XIRP2: variants seen among roughly 807,000 people sequenced by gnomAD.
XIRP2 encodes xin actin-binding repeat-containing protein 2.
Under a neutral mutation model 277.0 loss-of-function variants are expected in XIRP2, and 236 were observed. The observed-to-expected ratio is 0.85, with a 90% CI of 0.77 to 0.95. The LOEUF (loss-of-function observed/expected upper bound fraction) is 0.95, where lower values mean the gene tolerates loss of function less well. Among genes scored for constraint, XIRP2 ranks in the 40% least tolerant of loss-of-function variants. XIRP2 has a pLI of 0.00. For synonymous variants in XIRP2, 1,490 were observed against 1,416.5 expected (o/e 1.05, Z -1.17); for missense variants, 4,640 against 4,157.5 (o/e 1.12, Z -3.19).
chr2:166,894,109 C>A (rs1684179520), intron 1 of XIRP2, among the ~76,000 whole-genome samples: 1 of 152,038 alleles, frequency 6.6e-6, no homozygotes, highest in Non-Finnish European at 1.5e-5. Flanking sequence ...GGGCCACAAA[C>A]CTAACATTAT....
chr2:167,140,508 C>T (rs1691683318), intron 3 of XIRP2, among the ~76,000 whole-genome samples: 1 of 152,110 alleles, frequency 6.6e-6, no homozygotes, highest in South Asian at 2.1e-4. Context: ...TTTTGCTCTG[C>T]CTGAACTGTC....
chr2:167,189,690 G>A (rs1693269069), intron 3 of XIRP2, among the ~76,000 whole-genome samples: 1 of 152,106 alleles, frequency 6.6e-6, no homozygotes, highest in Non-Finnish European at 1.5e-5. Context: ...TGACTGTGTG[G>A]CATGTTGTAT....
At chr2:166,937,686 G>T (rs1231977494) in intron 2 of XIRP2, among the ~76,000 whole-genome samples, 1 of 152,094 alleles carries the variant, frequency 6.6e-6, no homozygotes, top group Non-Finnish European at 1.5e-5. Flanking sequence ...GCTCCTCCTT[G>T]TACCTCTGGT....
intron 3 of XIRP2, among the ~76,000 whole-genome samples, chr2:167,154,834 T>C (rs931532345): frequency 6.6e-6 from 1 of 151,710 alleles, no homozygotes; most frequent in Non-Finnish European, 1.5e-5. Flanking sequence ...ATCAACAAAA[T>C]TGATAGACAG....
At chr2:167,184,486 G>A (rs1485482331) in intron 3 of XIRP2, 2 of 679,720 alleles carry the variant, frequency 2.9e-6, no homozygotes. Flanking sequence ...CTTCAGTTTT[G>A]TTGCTCCAGT....
chr2:166,968,792 AAT>A (rs1317884561), intron 2 of XIRP2, among the ~76,000 whole-genome samples: 1 of 151,920 alleles, frequency 6.6e-6, no homozygotes, highest in Non-Finnish European at 1.5e-5. Context: ...AGCATGTACG[AAT>A]ATAAGTCTTG....
chr2:167,031,326 G>T (rs1558955309), intron 2 of XIRP2, among the ~76,000 whole-genome samples: 1 of 151,918 alleles, frequency 6.6e-6, no homozygotes, highest in East Asian at 1.9e-4. Flanking sequence ...TGCAGTGGTG[G>T]GATACCGGTT....
intron 3 of XIRP2, among the ~76,000 whole-genome samples, chr2:167,166,643 C>T (rs1379816982): frequency 6.6e-6 from 1 of 152,102 alleles, no homozygotes; most frequent in African/African-American, 2.4e-5. Flanking sequence ...AGTCACGTGG[C>T]AAGAGAGAGC....
chr2:167,173,723 A>T (rs1220861208), intron 3 of XIRP2, among the ~76,000 whole-genome samples: 2 of 152,122 alleles, frequency 1.3e-5, no homozygotes, highest in Non-Finnish European at 2.9e-5. Context: ...CTCCATAGTA[A>T]ATATACTAAT....
intron 3 of XIRP2, among the ~76,000 whole-genome samples, chr2:167,160,644 GC>G (rs1310381626): frequency 1.3e-5 from 2 of 152,104 alleles, no homozygotes; most frequent in Non-Finnish European, 2.9e-5. Flanking sequence ...GGAAAGACTT[GC>G]CCCCATGATT....
chr2:166,903,470 C>G lies in XIRP2; in HGVS notation c.-13C>G. ...AAGGATTCTTGATATTGCAGGACAA[C>G]CTGGACCCATCCATGTTCCCAATGC... On this transcript the variant is annotated 5_prime_UTR_variant, in exon 2 of 11. Coordinates refer to ENST00000409195, the MANE Select transcript of XIRP2 (RefSeq NM_152381.6). 1 of 1,606,638 alleles carries G rather than the reference C, an allele frequency of 6.2e-7. No homozygotes were observed. The highest frequency in any genetic ancestry group is 1.1e-5 in the South Asian group (1 of 89,900).
intron 3 of XIRP2, among the ~76,000 whole-genome samples, chr2:167,140,139 A>G (rs1269720321): frequency 2.0e-5 from 3 of 152,220 alleles, no homozygotes; most frequent in East Asian, 3.8e-4. Context: ...TCCTCTCTTT[A>G]GTATTTTCTG....
chr2:167,179,323 G>T lies in XIRP2; in HGVS notation c.563-31412G>T, dbSNP rs199587167. Among the ~76,000 whole-genome samples the T allele has an allele frequency of 1.4e-3, 173 of 120,476 alleles. 1 individual carries two copies. Among genetic ancestry groups the T allele is most frequent in the African/African-American group, 4.9e-3 (155 of 31,650 alleles). 79.0% of individuals were successfully genotyped at this position (120,476 alleles called of 152,430 possible). A position where few individuals can be genotyped will look rare whatever the true frequency, so the allele number is the denominator to read the frequency against. ...ACATTAATCATTTTCTTTTTTTCTT[G>T]TTTTTTTTTTTTTTTGAGACAAAGT... On this transcript the variant is annotated intron_variant, in intron 3 of 10. Transcript: ENST00000409195.
At chr2:167,083,782 A>G (rs1229109110) in intron 2 of XIRP2, among the ~76,000 whole-genome samples, 3 of 152,160 alleles carry the variant, frequency 2.0e-5, no homozygotes, top group Non-Finnish European at 2.9e-5. Context: ...ATTTTTGTGC[A>G]TTGATTTTGT....
intron 4 of XIRP2, among the ~76,000 whole-genome samples, chr2:167,217,545 T>C (rs2105399544): frequency 6.6e-6 from 1 of 152,210 alleles, no homozygotes; most frequent in Admixed American, 6.5e-5. Flanking sequence ...CTGTCTTACT[T>C]CTCTAAGTCT....
At chr2:167,176,255 G>A (rs1350058554) in intron 3 of XIRP2, among the ~76,000 whole-genome samples, 2 of 152,194 alleles carry the variant, frequency 1.3e-5, no homozygotes, top group Non-Finnish European at 2.9e-5. Flanking sequence ...CTTGGCCAGG[G>A]GAGGGAGTTC....
intron 2 of XIRP2, among the ~76,000 whole-genome samples, chr2:166,939,653 C>G (rs1266592636): frequency 1.6e-5 from 2 of 127,938 alleles, no homozygotes; most frequent in African/African-American, 6.3e-5. Context: ...GCACTCTGGC[C>G]TGGGCGAAAG....
intron 2 of XIRP2, among the ~76,000 whole-genome samples, chr2:166,999,257 G>A (rs534714871): frequency 1.6e-4 from 24 of 152,052 alleles, no homozygotes; most frequent in Non-Finnish European, 3.1e-4. Context: ...TGTGAAATAT[G>A]AAAAACTTGA....
chr2:167,239,142 G>A (rs1487644748), intron 5 of XIRP2, among the ~76,000 whole-genome samples: 1 of 152,124 alleles, frequency 6.6e-6, no homozygotes, highest in Non-Finnish European at 1.5e-5. Flanking sequence ...CCAATTTGAA[G>A]ACTAGTATGT....
Sources: allele counts gnomAD v4.1 joint callset (sites outside exome capture counted in the v4.1 genomes callset), GRCh38; gene constraint gnomAD v4.1.1; transcripts MANE v1.5; gene names NCBI Gene and HGNC (gene_info 2026-07-23, HGNC 2026-07-21).